The following CNTNAP2 variants were observed in gnomAD, a reference collection of about 807,000 sequenced individuals.
CNTNAP2 encodes contactin-associated protein-like 2.
In CNTNAP2, 98 loss-of-function variants were observed where a neutral mutation model predicts 155.2. The observed-to-expected ratio is 0.63, with a 90% confidence interval of 0.54 to 0.75. The LOEUF is 0.75. CNTNAP2 is among the 30% of genes least tolerant of loss of function. The pLI is 0.00. For synonymous variants in CNTNAP2, 651 were observed against 631.2 expected (o/e 1.03, Z -0.47); for missense variants, 1,727 against 1,688.1 (o/e 1.02, Z -0.40).
chr7:147,061,726 T>G (rs1236358036), intron 4 of CNTNAP2, among the ~76,000 whole-genome samples: 2 of 152,098 alleles, frequency 1.3e-5, no homozygotes, highest in African/African-American at 2.4e-5. Flanking sequence ...CTATAAATAA[T>G]TATCCCAAAA....
At chr7:146,162,329 A>C (rs1355915940) in intron 1 of CNTNAP2, among the ~76,000 whole-genome samples, 3 of 152,204 alleles carry the variant, frequency 2.0e-5, no homozygotes, top group Admixed American at 1.3e-4. Context: ...AAACAACCCC[A>C]TCAAAAAGTG....
chr7:148,374,852 G>A (rs903473487), intron 21 of CNTNAP2, among the ~76,000 whole-genome samples: 8 of 152,150 alleles, frequency 5.3e-5, no homozygotes, highest in African/African-American at 1.4e-4. Flanking sequence ...ACTGGGATTC[G>A]AAGAAGTCAA....
At chr7:147,405,005 G>T (rs974980848) in intron 10 of CNTNAP2, among the ~76,000 whole-genome samples, 6 of 152,192 alleles carry the variant, frequency 3.9e-5, no homozygotes, top group Non-Finnish European at 5.9e-5. Flanking sequence ...TTCAACAGCA[G>T]CTGTATTCTT....
At chr7:146,139,268 C>T (rs1797842979) in intron 1 of CNTNAP2, among the ~76,000 whole-genome samples, 2 of 152,028 alleles carry the variant, frequency 1.3e-5, no homozygotes, top group Non-Finnish European at 2.9e-5. Context: ...GCTTTCACAC[C>T]ATTGTAAAGT....
intron 18 of CNTNAP2, among the ~76,000 whole-genome samples, chr7:148,197,588 A>G (rs1054143027): frequency 3.3e-5 from 5 of 152,208 alleles, no homozygotes; most frequent in Non-Finnish European, 7.3e-5. Flanking sequence ...GTAAGCTACC[A>G]CCAATGACAG....
intron 16 of CNTNAP2, among the ~76,000 whole-genome samples, chr7:148,138,226 A>T (rs1804997633): frequency 6.6e-6 from 1 of 152,132 alleles, no homozygotes; most frequent in Non-Finnish European, 1.5e-5. Flanking sequence ...TTTCCTCATT[A>T]TCAGTGTCCC....
chr7:147,642,357 G>A (rs1258957885), intron 13 of CNTNAP2, among the ~76,000 whole-genome samples: 1 of 152,000 alleles, frequency 6.6e-6, no homozygotes, highest in Admixed American at 6.6e-5. Context: ...ACACAGTATG[G>A]CTTCCAAATA....
chr7:146,522,798 C>A (rs1224889115), intron 1 of CNTNAP2, among the ~76,000 whole-genome samples: 2 of 149,776 alleles, frequency 1.3e-5, no homozygotes, highest in African/African-American at 4.9e-5. Flanking sequence ...AAAATAATAT[C>A]TATTATAATT....
intron 20 of CNTNAP2, among the ~76,000 whole-genome samples, chr7:148,232,509 G>A (rs1262174862): frequency 6.6e-6 from 1 of 152,140 alleles, no homozygotes; most frequent in African/African-American, 2.4e-5. Context: ...TCTATTATAA[G>A]CACATGCTGC....
chr7:147,868,885 C>T (rs568073729), intron 13 of CNTNAP2, among the ~76,000 whole-genome samples: 223 of 152,330 alleles, frequency 1.5e-3, no homozygotes, highest in African/African-American at 5.1e-3. Flanking sequence ...GTCACGGCTT[C>T]CCTTGGCTAG....
At chr7:146,585,465 C>T (rs966328622) in intron 1 of CNTNAP2, among the ~76,000 whole-genome samples, 39 of 152,038 alleles carry the variant, frequency 2.6e-4, no homozygotes, top group African/African-American at 8.2e-4. Flanking sequence ...TTTCAGCACC[C>T]GAGCCTTAAA....
intron 2 of CNTNAP2, among the ~76,000 whole-genome samples, chr7:146,819,666 T>A (rs749566175): frequency 1.6e-4 from 24 of 152,284 alleles, no homozygotes; most frequent in Non-Finnish European, 3.4e-4. Flanking sequence ...AAAACCGATA[T>A]GGGAACTTGA....
At chr7:146,208,305 T>C (rs1798980176) in intron 1 of CNTNAP2, among the ~76,000 whole-genome samples, 1 of 151,960 alleles carries the variant, frequency 6.6e-6, no homozygotes, top group African/African-American at 2.4e-5. Context: ...ATACTCAATA[T>C]GTAAGTTTTC....
intron 3 of CNTNAP2, among the ~76,000 whole-genome samples, chr7:146,856,743 T>C (rs1307902115): frequency 1.3e-5 from 2 of 152,064 alleles, no homozygotes; most frequent in Non-Finnish European, 2.9e-5. Flanking sequence ...TAGTGTCCCA[T>C]GAAGAATGTA....
At chr7:147,608,661 T>G (rs888226687) in intron 12 of CNTNAP2, among the ~76,000 whole-genome samples, 9 of 152,154 alleles carry the variant, frequency 5.9e-5, no homozygotes, top group African/African-American at 1.9e-4. Context: ...ATGAGAGATA[T>G]CTGTTGGAAA....
At chr7:147,173,266 T>A (rs1450593591) in intron 8 of CNTNAP2, among the ~76,000 whole-genome samples, 1 of 152,158 alleles carries the variant, frequency 6.6e-6, no homozygotes, top group Non-Finnish European at 1.5e-5. Flanking sequence ...AACTACCATT[T>A]ACATAAGCCA....
chr7:148,068,735 G>A (rs1270837593), intron 15 of CNTNAP2, among the ~76,000 whole-genome samples: 2 of 152,126 alleles, frequency 1.3e-5, no homozygotes, highest in African/African-American at 4.8e-5. Flanking sequence ...TGAGTTACAA[G>A]GTTTTGCACT....
In CNTNAP2 at chr7:146,306,005, CAAAT is replaced by C. The variant is rs551846113; in HGVS notation, c.97+189036_97+189039del. On this transcript the variant is annotated intron_variant, in intron 1 of 23. Transcript: ENST00000361727. ...CAAAATTGATAGACCGCTAGCAAGA[CAAAT>C]AAAGGAGAAAAGAGAGAAGAATCAA... Among the ~76,000 whole-genome samples, 233 of 151,642 alleles carry C rather than the reference CAAAT, an allele frequency of 1.5e-3. 1 individual carries two copies. Among genetic ancestry groups the C allele is most frequent in the African/African-American group, 5.2e-3 (216 of 41,292 alleles).
intron 1 of CNTNAP2, among the ~76,000 whole-genome samples, chr7:146,602,835 T>C (rs1483519371): frequency 6.6e-6 from 1 of 152,168 alleles, no homozygotes; most frequent in Non-Finnish European, 1.5e-5. Flanking sequence ...CACCAAAGAT[T>C]GTATAGGATG....
Sources: gnomAD v4.1 joint callset for allele counts (sites outside exome capture counted in the v4.1 genomes callset) on GRCh38, gnomAD v4.1.1 for gene constraint, MANE v1.5 for transcripts, NCBI Gene and HGNC (gene_info 2026-07-23, HGNC 2026-07-21) for gene names.